DISC1: variants seen among roughly 807,000 people sequenced by gnomAD.
DISC1 encodes DISC1 scaffold protein.
In DISC1, 57 loss-of-function variants were observed where a neutral mutation model predicts 84.5. The ratio of observed to expected loss-of-function variants is 0.67; its 90% confidence interval spans 0.55 to 0.84. The LOEUF (loss-of-function observed/expected upper bound fraction) is 0.84, where lower values mean the gene tolerates loss of function less well. DISC1 is among the 40% of genes least tolerant of loss of function. The probability of loss-of-function intolerance (pLI) is 0.00; values close to 1 mark genes in which losing one functional copy is unlikely to be tolerated. For synonymous variants in DISC1, 411 were observed against 415.2 expected, an observed-to-expected ratio of 0.99 and a Z score of 0.12; for missense variants, 1,000 against 1,057.8, an observed-to-expected ratio of 0.95 and a Z score of 0.76.
chr1:231,761,127 T>G (rs948701931), intron 4 of DISC1, among the ~76,000 whole-genome samples: 6 of 152,192 alleles, frequency 3.9e-5, no homozygotes, highest in African/African-American at 1.4e-4. Flanking sequence ...TTTCCCGTAC[T>G]GGGGTGGTGC....
chr1:231,947,427 C>G (rs1279532179), intron 9 of DISC1, among the ~76,000 whole-genome samples: 2 of 152,168 alleles, frequency 1.3e-5, no homozygotes, highest in African/African-American at 4.8e-5. Context: ...AAACTGGACC[C>G]CTTCCTTACA....
chr1:231,641,941 G>A (rs1056792352), intron 1 of DISC1, among the ~76,000 whole-genome samples: 3 of 152,212 alleles, frequency 2.0e-5, no homozygotes, highest in Admixed American at 6.5e-5. Flanking sequence ...GTCCCCTGCC[G>A]TGTGCCTGCA....
At chr1:231,964,871 C>T (rs974494262) in intron 10 of DISC1, among the ~76,000 whole-genome samples, 6 of 152,222 alleles carry the variant, frequency 3.9e-5, no homozygotes, top group African/African-American at 1.2e-4. Flanking sequence ...GTTTCTTGGT[C>T]TTACAGGATT....
Position 232,037,951 on chromosome 1 carries a change from C to T in DISC1, c.*1120C>T, listed in dbSNP as rs1263894683. The T allele has an allele frequency of 2.0e-5, 3 of 149,950 alleles. No individual in the cohort carries two copies. Among genetic ancestry groups the T allele is most frequent in the Non-Finnish European group, 4.5e-5 (3 of 67,358 alleles). 9.3% of individuals were successfully genotyped at this position (149,950 alleles called of 1,614,324 possible). On this transcript the variant is annotated 3_prime_UTR_variant, in exon 13 of 13. Coordinates refer to ENST00000439617, the MANE Select transcript of DISC1 (RefSeq NM_018662.3). ...TGCAGTACTCAGTAACAGTGCAGTA[C>T]TCAGTAACAGTGCAGTACTCAGTAA...
At chr1:231,827,828 A>G (rs2081965807) in intron 9 of DISC1, among the ~76,000 whole-genome samples, 1 of 152,188 alleles carries the variant, frequency 6.6e-6, no homozygotes, top group Admixed American at 6.5e-5. Flanking sequence ...ACCCTGAGTG[A>G]ATGCACTGCA....
At chr1:231,662,954 A>G (rs553769270) in intron 1 of DISC1, among the ~76,000 whole-genome samples, 3 of 152,302 alleles carry the variant, frequency 2.0e-5, no homozygotes, top group African/African-American at 7.2e-5. Context: ...GTCCTTCCAT[A>G]TTAGTAATCG....
chr1:231,644,093 G>A (rs1417366608), intron 1 of DISC1, among the ~76,000 whole-genome samples: 2 of 152,162 alleles, frequency 1.3e-5, no homozygotes, highest in Non-Finnish European at 2.9e-5. Context: ...GAGGGCACAT[G>A]GCATGCTTTA....
At chr1:231,947,285 G>A (rs190269130) in intron 9 of DISC1, among the ~76,000 whole-genome samples, 183 of 151,050 alleles carry the variant, frequency 1.2e-3, no homozygotes, top group African/African-American at 3.7e-3. Context: ...CAGAACAGGG[G>A]CCTCAGAAAT....
intron 10 of DISC1, among the ~76,000 whole-genome samples, chr1:231,993,658 A>G (rs766645378): frequency 6.6e-6 from 1 of 152,160 alleles, no homozygotes; most frequent in Non-Finnish European, 1.5e-5. Context: ...CGCTTGGACT[A>G]GAGGAGTTGA....
intron 1 of DISC1, 65 bp from the exon 2 acceptor site, chr1:231,693,761 A>G: frequency 6.2e-7 from 1 of 1,609,038 alleles, no homozygotes; most frequent in Non-Finnish European, 8.5e-7. Flanking sequence ...TGTTCTCCAG[A>G]TGCAGTTCCA....
At chr1:231,756,026 A>C (rs937474553) in intron 4 of DISC1, among the ~76,000 whole-genome samples, 4 of 152,212 alleles carry the variant, frequency 2.6e-5, no homozygotes, top group Non-Finnish European at 5.9e-5. Context: ...GCTTAGCATG[A>C]CATTAAAAGT....
intron 12 of DISC1, among the ~76,000 whole-genome samples, chr1:232,034,853 A>T (rs1235093807): frequency 6.6e-6 from 1 of 152,066 alleles, no homozygotes; most frequent in East Asian, 1.9e-4. Context: ...TTTTCAATAA[A>T]GATTAGCGGA....
At chr1:231,909,466 A>G (rs1245047329) in intron 9 of DISC1, among the ~76,000 whole-genome samples, 1 of 152,148 alleles carries the variant, frequency 6.6e-6, no homozygotes, top group Non-Finnish European at 1.5e-5. Context: ...TATATGCTGG[A>G]TTATGTTTAT....
chr1:231,994,461 G>A (rs920607595), intron 10 of DISC1, among the ~76,000 whole-genome samples: 1 of 152,144 alleles, frequency 6.6e-6, no homozygotes, highest in African/African-American at 2.4e-5. Flanking sequence ...AAGGCACCAA[G>A]GTCAGCCCAG....
intron 3 of DISC1, among the ~76,000 whole-genome samples, chr1:231,732,589 A>T (rs1423475449): frequency 6.6e-6 from 1 of 152,100 alleles, no homozygotes; most frequent in East Asian, 1.9e-4. Context: ...TCATATTTCG[A>T]TGTGTGTCCT....
chr1:231,991,258 G>A lies in DISC1; in HGVS notation c.2043-17527G>A, dbSNP rs1207538404. Among the ~76,000 whole-genome samples, 10 of 152,292 alleles carry A rather than the reference G, an allele frequency of 6.6e-5. No homozygotes were observed. The South Asian group carries it at 1.5e-3, about 22-fold the overall frequency. On this transcript the variant is annotated intron_variant, in intron 10 of 12. Coordinates refer to ENST00000439617, the MANE Select transcript of DISC1 (RefSeq NM_018662.3). ...TGGCATTTATTAGCGAGCCCTCTTCGGGAAGCCGTATGTTCTGAGAAGTAG... is the reference window on the plus strand; with the variant it reads ...TGGCATTTATTAGCGAGCCCTCTTCAGGAAGCCGTATGTTCTGAGAAGTAG...
At chr1:231,795,402 T>C in intron 7 of DISC1, 106 bp downstream of exon 7, 1 of 1,023,846 alleles carries the variant, frequency 9.8e-7, no homozygotes, top group Non-Finnish European at 1.5e-6. Context: ...AAAAAAGATG[T>C]AGACTTTGTC....
intron 9 of DISC1, chr1:231,943,879 A>G (rs2091475978): frequency 6.6e-6 from 1 of 151,662 alleles, no homozygotes; most frequent in South Asian, 2.1e-4. Flanking sequence ...ATGTGCCACT[A>G]CAGCTGGATA....
intron 6 of DISC1, among the ~76,000 whole-genome samples, chr1:231,776,532 G>A (rs561123726): frequency 7.9e-4 from 120 of 152,276 alleles, no homozygotes; most frequent in African/African-American, 2.7e-3. Flanking sequence ...GGGGAGGCTC[G>A]CGGGTGGAGA....
Sources: gnomAD v4.1 joint callset for allele counts (sites outside exome capture counted in the v4.1 genomes callset) on GRCh38, gnomAD v4.1.1 for gene constraint, MANE v1.5 for transcripts, NCBI Gene and HGNC (gene_info 2026-07-23, HGNC 2026-07-21) for gene names.